PDE1C: variants seen among roughly 807,000 people sequenced by gnomAD.
The protein encoded by PDE1C is dual specificity calcium/calmodulin-dependent 3',5'-cyclic nucleotide phosphodiesterase 1C.
Under a neutral mutation model 93.1 loss-of-function variants are expected in PDE1C, and 62 were observed. The ratio of observed to expected loss-of-function variants is 0.67; its 90% CI spans 0.54 to 0.82. The LOEUF (loss-of-function observed/expected upper bound fraction) is 0.82, where lower values mean the gene tolerates loss of function less well. Among genes scored for constraint, PDE1C ranks in the 40% least tolerant of loss-of-function variants. PDE1C has a pLI of 0.00. For missense variants in PDE1C, 742 were observed against 884.6 expected (o/e 0.84, Z 2.04); for synonymous variants, 325 against 310.1 (o/e 1.05, Z -0.50).
rs571256736 is a variant in PDE1C at position 32,398,612 on chromosome 7, C to A, written c.310+29210G>T. ...CCATATTGGCCAGGCAGGTCTCAAA[C>A]TCCTGACCTCAAGTGATCCTCCCGT... is the stretch of plus-strand genomic sequence containing the variant. On this transcript the variant is annotated intron_variant, in intron 1 of 1. Coordinates refer to the PDE1C transcript ENST00000672256. Among the ~76,000 whole-genome samples, 35 of 152,112 alleles carry A rather than the reference C, an allele frequency of 2.3e-4. No individual in the cohort carries two copies. The South Asian group carries it at 2.9e-3, about 13-fold the overall frequency.
At chr7:31,684,979 C>T in the PDE1C span, among the ~76,000 whole-genome samples, 6 of 152,104 alleles carry the variant, frequency 3.9e-5, no homozygotes, top group African/African-American at 1.2e-4. Context: ...TTGTAATAGC[C>T]AAACATTGGT....
chr7:32,115,092 G>C (rs552451888), intron 3 of PDE1C, among the ~76,000 whole-genome samples: 2 of 152,122 alleles, frequency 1.3e-5, no homozygotes, highest in African/African-American at 4.8e-5. Flanking sequence ...AATACCATTT[G>C]ACCCAGCAAT....
intron 14 of PDE1C, chr7:31,820,417 A>C (rs781616518): frequency 3.2e-4 from 48 of 152,184 alleles, no homozygotes; most frequent in Admixed American, 7.9e-4. Context: ...AATATTGATC[A>C]GACTTGAAAA....
chr7:32,197,884 T>C (rs1377468848), intron 2 of PDE1C, among the ~76,000 whole-genome samples: 2 of 152,226 alleles, frequency 1.3e-5, no homozygotes, highest in Non-Finnish European at 1.5e-5. Context: ...ATGTTGATGA[T>C]GGTGGCACAA....
chr7:32,206,898 C>G lies in PDE1C; in HGVS notation c.136+2591G>C, dbSNP rs140677984. Among the ~76,000 whole-genome samples, 345 of 152,288 alleles carry G rather than the reference C, an allele frequency of 2.3e-3. 2 individuals carry two copies. Among genetic ancestry groups the G allele is most frequent in the African/African-American group, 8.0e-3 (332 of 41,506 alleles). On this transcript the variant is annotated intron_variant, in intron 2 of 18. Transcript: ENST00000396193. ...TCTCAACTCTTCACTGTCCTGGACACTGTCATTCTCCCAGCATTTGTGAGG... is the reference window on the plus strand; with the variant it reads ...TCTCAACTCTTCACTGTCCTGGACAGTGTCATTCTCCCAGCATTTGTGAGG...
intron 1 of PDE1C, among the ~76,000 whole-genome samples, chr7:32,233,888 T>G (rs1435391656): frequency 6.6e-6 from 1 of 151,980 alleles, no homozygotes; most frequent in Non-Finnish European, 1.5e-5. Flanking sequence ...CACGATAGAC[T>G]AAATCATGGG....
At chr7:31,707,759 A>T in the PDE1C span, 1 of 156,958 alleles carries the variant, frequency 6.4e-6, no homozygotes, top group African/African-American at 2.4e-5. Context: ...TTGCAGACAA[A>T]GGTCTTTTAT....
the PDE1C span, among the ~76,000 whole-genome samples, chr7:31,705,905 T>C: frequency 1.3e-5 from 2 of 151,094 alleles, no homozygotes; most frequent in African/African-American, 4.9e-5. Flanking sequence ...AGCAGAACCA[T>C]GTGGCCCTTC....
chr7:31,895,358 C>G (rs1243243911), intron 2 of PDE1C, among the ~76,000 whole-genome samples: 1 of 152,070 alleles, frequency 6.6e-6, no homozygotes, highest in Non-Finnish European at 1.5e-5. Flanking sequence ...AGAGATGTCA[C>G]TAAGACTTCC....
intron 1 of PDE1C, among the ~76,000 whole-genome samples, chr7:32,306,049 G>A (rs1417134304): frequency 6.6e-6 from 1 of 152,104 alleles, no homozygotes; most frequent in East Asian, 1.9e-4. Flanking sequence ...TAAGTCTCAC[G>A]AGATCTGATG....
At chr7:31,781,718 A>T (rs1366706424) in intron 16 of PDE1C, among the ~76,000 whole-genome samples, 3 of 132,176 alleles carry the variant, frequency 2.3e-5, no homozygotes, top group Non-Finnish European at 4.7e-5. Context: ...CACTGCCCTA[A>T]GAGTTATCAA....
At chr7:32,282,608 G>C (rs147910343) in intron 1 of PDE1C, among the ~76,000 whole-genome samples, 2,105 of 123,502 alleles carry the variant, frequency 0.017, 39 homozygotes, top group South Asian at 0.077. Flanking sequence ...TTGAGACGGA[G>C]TCTCTCTCTG....
chr7:31,642,293 C>G, the PDE1C span: 1 of 1,375,462 alleles, frequency 7.3e-7, no homozygotes, highest in Non-Finnish European at 1.0e-6. Context: ...TGTTGCTCAT[C>G]CCTAACATCC....
At chr7:31,934,268 T>C (rs1254890769) in intron 2 of PDE1C, among the ~76,000 whole-genome samples, 1 of 152,200 alleles carries the variant, frequency 6.6e-6, no homozygotes, top group Non-Finnish European at 1.5e-5. Context: ...TCTGCTCTGA[T>C]AAGTACACTG....
chr7:32,350,384 A>G (rs1467234591), intron 1 of PDE1C, among the ~76,000 whole-genome samples: 2 of 151,360 alleles, frequency 1.3e-5, no homozygotes, highest in Admixed American at 6.6e-5. Context: ...CACAACCACA[A>G]TACTATTATT....
chr7:31,651,350 A>C, the PDE1C span: 1 of 1,453,296 alleles, frequency 6.9e-7, no homozygotes, highest in South Asian at 1.4e-5. Context: ...AGAACAGAGG[A>C]GCACCCTGGA....
chr7:31,770,410 T>A (rs918525792), intron 17 of PDE1C, among the ~76,000 whole-genome samples: 2 of 152,228 alleles, frequency 1.3e-5, no homozygotes, highest in Non-Finnish European at 2.9e-5. Flanking sequence ...GAAGCCCAAT[T>A]ACCTAATTTT....
chr7:32,354,221 A>C (rs1158902316), intron 1 of PDE1C, among the ~76,000 whole-genome samples: 1 of 152,192 alleles, frequency 6.6e-6, no homozygotes, highest in African/African-American at 2.4e-5. Context: ...ATGAATATAG[A>C]TATTTGGCCA....
At chr7:32,420,124 T>TATGTAC (rs1207972839) in intron 1 of PDE1C, among the ~76,000 whole-genome samples, 1 of 13,096 alleles carries the variant, frequency 7.6e-5, no homozygotes, top group Non-Finnish European at 1.4e-4. Flanking sequence ...TATATATATA[T>TATGTAC]ACACACACAC....
Sources: allele counts gnomAD v4.1 joint callset (sites outside exome capture counted in the v4.1 genomes callset), GRCh38; gene constraint gnomAD v4.1.1; transcripts MANE v1.5; gene names NCBI Gene and HGNC (gene_info 2026-07-23, HGNC 2026-07-21).